The following TAS1R2 variants were observed in gnomAD, a reference collection of about 807,000 sequenced individuals.
TAS1R2 encodes taste 1 receptor member 2, also known as taste receptor type 1 member 2.
Under a neutral mutation model 49.3 loss-of-function variants are expected in TAS1R2, and 47 were observed. That is an observed-to-expected ratio of 0.95 (90% CI 0.75 to 1.22). TAS1R2 has a LOEUF of 1.22. Ranked by LOEUF, TAS1R2 falls within the 50% of genes most tolerant of loss-of-function variation. The pLI is 0.00. For synonymous variants in TAS1R2, 479 were observed against 467.9 expected (o/e 1.02, Z -0.31); for missense variants, 1,155 against 1,122.1 (o/e 1.03, Z -0.42).
At chr1:18,857,004 C>A (rs769152194) in intron 2 of TAS1R2, among the ~76,000 whole-genome samples, 21 of 152,320 alleles carry the variant, frequency 1.4e-4, no homozygotes, top group South Asian at 4.1e-4. Flanking sequence ...TGAACACTAA[C>A]CTTCAGACAG....
At chr1:18,844,759 AAAG>A (rs71027402) in intron 4 of TAS1R2, among the ~76,000 whole-genome samples, 76,647 of 149,666 alleles carry the variant, frequency 0.51, 21,167 homozygotes, top group Non-Finnish European at 0.62. Flanking sequence ...CTCAGAAAAA[AAAG>A]AAGAAGAAGA....
Position 18,854,709 on chromosome 1 carries a change from C to G in TAS1R2, c.761G>C (p.Arg254Pro), listed in dbSNP as rs977653883. 35 of 1,613,184 alleles carry G rather than the reference C, an allele frequency of 2.2e-5. No homozygotes were observed. The highest frequency in any genetic ancestry group is 3.0e-5 in the Non-Finnish European group (35 of 1,179,896). The change falls in exon 3 of 6, where the codon CGC (arginine) becomes CCC (proline). Residue 254 changes from arginine to proline, a missense_variant. Coordinates refer to ENST00000375371, the Ensembl canonical transcript of TAS1R2. The surrounding 1 kb of genome is among the most constrained non-coding windows in gnomAD (Gnocchi z 4.9). ...GTCCACAATGGTCACCAGGCGCTGG[C>G]GCTCCTCTGACGTCATGTTCTGGTT...
intron 3 of TAS1R2, among the ~76,000 whole-genome samples, chr1:18,851,299 C>G (rs968070755): frequency 6.6e-6 from 1 of 152,060 alleles, no homozygotes; most frequent in African/African-American, 2.4e-5. Context: ...CAACCCTGAC[C>G]CTCCTGATTC....
chr1:18,843,006 C>T (rs1366182142), intron 4 of TAS1R2, among the ~76,000 whole-genome samples: 3 of 151,998 alleles, frequency 2.0e-5, no homozygotes, highest in Non-Finnish European at 4.4e-5. Context: ...ACAGTGAAAA[C>T]AATACTTAAG....
chr1:18,857,652 T>C (rs1934163859), intron 1 of TAS1R2, 21 bp from the exon 2 acceptor site: 3 of 1,603,642 alleles, frequency 1.9e-6, no homozygotes, highest in South Asian at 1.1e-5. Context: ...CACAGCATCA[T>C]GAGGTGGAAG....
At chr1:18,852,657 C>T (rs1480140399) in intron 3 of TAS1R2, among the ~76,000 whole-genome samples, 1 of 152,228 alleles carries the variant, frequency 6.6e-6, no homozygotes, top group African/African-American at 2.4e-5. Flanking sequence ...GCACTAGATG[C>T]CCTCCAGTAA....
chr1:18,858,843 A>G (rs1934188048), intron 1 of TAS1R2, among the ~76,000 whole-genome samples: 1 of 152,114 alleles, frequency 6.6e-6, no homozygotes. Flanking sequence ...ACCCTTAATC[A>G]TCTTTTGCAC....
In TAS1R2 at chr1:18,854,538, T is replaced by C. The variant is rs765432718; in HGVS notation, c.932A>G (p.His311Arg). Residue 311 changes from histidine to arginine, a missense_variant, in exon 3 of 6, where the codon CAC becomes CGC. Coordinates refer to ENST00000375371, the Ensembl canonical transcript of TAS1R2. This position sits in a 1 kb window ranked among gnomAD's most constrained non-coding sequence, Gnocchi z 4.9. ...CAAGTGGCGCAGCTCCGTGAGGTTG[T>C]GCAGGACCGGGTCGATGGCCCAGGA... is the stretch of plus-strand genomic sequence containing the variant. The C allele has an allele frequency of 1.9e-6, 3 of 1,613,730 alleles. No homozygotes were observed. The Admixed American group carries it at 5.0e-5, about 27-fold the overall frequency.
intron 3 of TAS1R2, among the ~76,000 whole-genome samples, chr1:18,853,906 C>T (rs965305374): frequency 6.6e-6 from 1 of 152,122 alleles, no homozygotes; most frequent in Non-Finnish European, 1.5e-5. Flanking sequence ...AGAGGGTCCA[C>T]GCGAAAACAC....
exon 6 of TAS1R2, chr1:18,840,168 G>T (rs767056870): frequency 1.2e-6 from 2 of 1,614,240 alleles, no homozygotes; most frequent in Middle Eastern, 1.6e-4. Flanking sequence ...TGGAAAGAAC[G>T]CACGGCGATA....
chr1:18,856,061 CCTCTT>C (rs1483643480), intron 2 of TAS1R2, among the ~76,000 whole-genome samples: 4 of 152,180 alleles, frequency 2.6e-5, no homozygotes, highest in African/African-American at 7.2e-5. Context: ...TCACTTTACT[CCTCTT>C]CTCAGAACTC....
chr1:18,857,639 GGCCA>G lies in TAS1R2; in HGVS notation c.183-12_183-9del, dbSNP rs747867787. The G allele has an allele frequency of 1.7e-5, 28 of 1,607,808 alleles. No individual in the cohort carries two copies. The highest frequency in any genetic ancestry group is 2.3e-5 in the Non-Finnish European group (27 of 1,176,510). Reference sequence around the variant, plus strand: ...ATCACCTTCACTTCATACCTGGAGGGGCCACAGCATCATGAGGTGGAAGCAGATC... The same window carrying G: ...ATCACCTTCACTTCATACCTGGAGGGCAGCATCATGAGGTGGAAGCAGATC... On this transcript the variant is annotated splice_polypyrimidine_tract_variant and intron_variant, in intron 1 of 5. Transcript: ENST00000375371.
intron 4 of TAS1R2, among the ~76,000 whole-genome samples, chr1:18,844,798 T>A (rs533057508): frequency 7.2e-5 from 11 of 152,168 alleles, no homozygotes; most frequent in East Asian, 3.9e-4. Context: ...ACTTGTCCAA[T>A]GAAGGTCAGC....
chr1:18,857,397 A>C lies in TAS1R2; in HGVS notation c.417T>G (p.Ile139Met), dbSNP rs775555434. The change falls in exon 2 of 6, where the codon ATT becomes ATG. Residue 139 changes from isoleucine to methionine, a missense_variant. By Grantham distance (10) the Ile-to-Met change is conservative. Transcript: ENST00000375371. ...TGACAGACTCGGAGTTGTCAGGGCCAATGACAGCCACCACACGGGAAATGT... is the reference window on the plus strand; with the variant it reads ...TGACAGACTCGGAGTTGTCAGGGCCCATGACAGCCACCACACGGGAAATGT... 5.0e-6 allele frequency: 8 copies of C among 1,614,222 alleles called. No individual in the cohort carries two copies. In the Admixed American group the frequency reaches 1.3e-4, roughly 27 times the overall value.
rs34545913 is a variant in TAS1R2 at position 18,854,520 on chromosome 1, C to G, written c.950G>C (p.Arg317Pro). 3,334 of 1,613,786 alleles carry G rather than the reference C, an allele frequency of 2.1e-3. 96 individuals carry two copies. In the East Asian group the frequency reaches 0.058, roughly 28 times the overall value. Reference sequence around the variant, plus strand: ...GATGCCCAGGAAGGTGCCCAAGTGGCGCAGCTCCGTGAGGTTGTGCAGGAC... The same window carrying G: ...GATGCCCAGGAAGGTGCCCAAGTGGGGCAGCTCCGTGAGGTTGTGCAGGAC... Residue 317 changes from arginine (R) to proline (P), a missense_variant, in exon 3 of 6, where the codon CGC (arginine) becomes CCC (proline). Physicochemically the swap from Arg to Pro is moderately radical, Grantham distance 103. Coordinates refer to ENST00000375371, the Ensembl canonical transcript of TAS1R2. This position sits in a 1 kb window ranked among gnomAD's most constrained non-coding sequence, Gnocchi z 4.9.
intron 5 of TAS1R2, 137 bp downstream of exon 5, chr1:18,841,592 T>G: frequency 7.7e-7 from 1 of 1,294,948 alleles, no homozygotes; most frequent in Non-Finnish European, 1.0e-6. Flanking sequence ...TCAGATCTGG[T>G]CCCTGGCCTT....
rs1934080624 is a variant in TAS1R2, at chr1:18,854,093, G to A, written c.1257+120C>T. 4 of 963,414 alleles carry A rather than the reference G, an allele frequency of 4.2e-6. No individual in the cohort carries two copies. Among genetic ancestry groups the A allele is most frequent in the Admixed American group, 5.7e-5 (2 of 34,916 alleles). 59.7% of individuals were successfully genotyped at this position (963,414 alleles called of 1,614,324 possible). A position where few individuals can be genotyped will look rare whatever the true frequency, so the allele number is the denominator to read the frequency against. ...AGCAATTTTGTTTTGGCACCAGGAA[G>A]GACTAGTGCTATGTGTCTGGAAGAA... On this transcript the variant is annotated intron_variant, in intron 3 of 5. Coordinates refer to ENST00000375371, the Ensembl canonical transcript of TAS1R2. This position sits in a 1 kb window ranked among gnomAD's most constrained non-coding sequence, Gnocchi z 4.9.
intron 4 of TAS1R2, among the ~76,000 whole-genome samples, chr1:18,842,633 C>A (rs566468992): frequency 1.3e-5 from 2 of 152,242 alleles, no homozygotes; most frequent in South Asian, 4.2e-4. Context: ...AAGTAGTATT[C>A]ACAAGGGAAA....
chr1:18,850,397 C>T (rs1390845333), intron 3 of TAS1R2, among the ~76,000 whole-genome samples: 1 of 152,252 alleles, frequency 6.6e-6, no homozygotes, highest in African/African-American at 2.4e-5. Context: ...TACACACAGA[C>T]AGGTAGCCAA....
Sources: gnomAD v4.1 joint callset for allele counts (sites outside exome capture counted in the v4.1 genomes callset) on GRCh38, gnomAD v4.1.1 for gene constraint, Gnocchi (gnomAD v3.1) non-coding constraint, MANE v1.5 for transcripts, NCBI Gene and HGNC (gene_info 2026-07-23, HGNC 2026-07-21) for gene names.